The following TRPC4AP variants were observed in gnomAD, a reference collection of about 807,000 sequenced individuals.
TRPC4AP encodes transient receptor potential cation channel subfamily C member 4 associated protein.
A neutral mutation model predicts 99.0 loss-of-function variants in TRPC4AP; 45 were observed. The ratio of observed to expected loss-of-function variants is 0.45; its 90% CI spans 0.36 to 0.58. The LOEUF is 0.58. TRPC4AP is among the 20% of genes least tolerant of loss of function. TRPC4AP has a pLI of 0.00. For synonymous variants in TRPC4AP, 408 were observed against 385.8 expected (o/e 1.06, Z -0.67); for missense variants, 879 against 985.3 (o/e 0.89, Z 1.44).
chr20:35,088,634 ATAGATGTT>A, intron 1 of TRPC4AP, among the ~76,000 whole-genome samples: 1 of 152,250 alleles, frequency 6.6e-6, no homozygotes. Flanking sequence ...ACTTTATGGG[ATAGATGTT>A]ATCATCACCT....
At chr20:35,011,564 C>G (rs1246908036) in intron 11 of TRPC4AP, among the ~76,000 whole-genome samples, 1 of 152,082 alleles carries the variant, frequency 6.6e-6, no homozygotes, top group Non-Finnish European at 1.5e-5. Context: ...TACTTCTGTA[C>G]CATTGTGAAG....
chr20:35,074,068 T>C (rs1318341988), intron 2 of TRPC4AP, among the ~76,000 whole-genome samples: 1 of 152,228 alleles, frequency 6.6e-6, no homozygotes, highest in African/African-American at 2.4e-5. Context: ...CGTAGAGGTG[T>C]TTATAGTATT....
In TRPC4AP at chr20:35,082,369, A is replaced by G. The variant is rs576334118; in HGVS notation, c.169-4195T>C. Among the ~76,000 whole-genome samples, 23 of 152,350 alleles carry G rather than the reference A, an allele frequency of 1.5e-4. No homozygotes were observed. In the East Asian group the frequency reaches 4.2e-3, roughly 28 times the overall value. The stretch of plus-strand genomic sequence containing the variant: ...GACCAGCTGCTAGGCCATACTGCAA[A>G]TGTCAATACATTTAAATGAACTGAA... On this transcript the variant is annotated intron_variant, in intron 1 of 18. Transcript: ENST00000252015.
At chr20:35,038,507 A>G (rs2083374893) in intron 7 of TRPC4AP, among the ~76,000 whole-genome samples, 1 of 152,192 alleles carries the variant, frequency 6.6e-6, no homozygotes, top group Non-Finnish European at 1.5e-5. Flanking sequence ...TTCTATATAT[A>G]CTAGAGTGTA....
intron 9 of TRPC4AP, among the ~76,000 whole-genome samples, chr20:35,017,738 C>T (rs2082787553): frequency 6.6e-6 from 1 of 152,214 alleles, no homozygotes; most frequent in Non-Finnish European, 1.5e-5. Context: ...ACATCCCTGG[C>T]AGCCTCCATT....
At chr20:35,033,561 A>T (rs777978402) in intron 8 of TRPC4AP, among the ~76,000 whole-genome samples, 66 of 152,184 alleles carry the variant, frequency 4.3e-4, no homozygotes, top group Non-Finnish European at 3.8e-4. Flanking sequence ...TCCAAAGTCT[A>T]ATTCAATTAA....
At chr20:35,064,690 C>CAT (rs1337615683) in intron 3 of TRPC4AP, among the ~76,000 whole-genome samples, 1 of 152,188 alleles carries the variant, frequency 6.6e-6, no homozygotes. Context: ...CTGCCCTGAA[C>CAT]ATATGCCTGC....
At chr20:35,058,442 A>C (rs1298593437) in intron 3 of TRPC4AP, among the ~76,000 whole-genome samples, 1 of 152,224 alleles carries the variant, frequency 6.6e-6, no homozygotes, top group African/African-American at 2.4e-5. Flanking sequence ...AAAGCACTTA[A>C]ATCACATACA....
chr20:35,071,730 T>G (rs1015323148), intron 2 of TRPC4AP, among the ~76,000 whole-genome samples: 2 of 152,220 alleles, frequency 1.3e-5, no homozygotes, highest in Non-Finnish European at 2.9e-5. Context: ...TTGTGAATAG[T>G]GCTGCAATAA....
At position 35,092,619 on chromosome 20, in the gene TRPC4AP, C is replaced by A; in HGVS notation, c.163G>T (p.Val55Leu). ...CTCCTGGTCCAGCCTCGTACCTGCA[C>A]CGCCCGGACCAGGCCCCGGCCGGTC... ...QLTGRGLVRA[V>L]QFTETFLTER... Residue 55 changes from valine to leucine, a missense_variant, in exon 1 of 19, where the codon GTG becomes TTG. By Grantham distance (32) the Val-to-Leu change is conservative. Around this residue, in one of 3 missense-constraint regions of TRPC4AP, gnomAD observed 603 missense variants for 631.8 expected, o/e 0.95. Transcript: ENST00000252015. 1 of 1,510,564 alleles carries A rather than the reference C, an allele frequency of 6.6e-7. No homozygotes were observed. The highest frequency in any genetic ancestry group is 2.3e-4 in the Middle Eastern group (1 of 4,302). The allele number at this position is 1,510,564 out of a possible 1,614,324, so 93.6% of individuals were successfully genotyped here. A position where few individuals can be genotyped will look rare whatever the true frequency, so the allele number is the denominator to read the frequency against.
chr20:35,002,839 C>A lies in TRPC4AP; in HGVS notation c.*307G>T. 1 of 274,222 alleles carries A rather than the reference C, an allele frequency of 3.6e-6. No homozygotes were observed. The highest frequency in any genetic ancestry group is 6.9e-6 in the Non-Finnish European group (1 of 144,330). 17.0% of individuals were successfully genotyped at this position (274,222 alleles called of 1,614,324 possible). A position where few individuals can be genotyped will look rare whatever the true frequency, so the allele number is the denominator to read the frequency against. On this transcript the variant is annotated 3_prime_UTR_variant, in exon 19 of 19. Transcript: ENST00000252015. Reference sequence around the variant, plus strand: ...GACTGACTGACAGCCAAGAAACCGGCAGGAGCTCACACAGAGCTAATGCTA... The same window carrying A: ...GACTGACTGACAGCCAAGAAACCGGAAGGAGCTCACACAGAGCTAATGCTA...
chr20:35,011,422 T>G (rs368083356), intron 11 of TRPC4AP, among the ~76,000 whole-genome samples: 5 of 152,166 alleles, frequency 3.3e-5, no homozygotes, highest in African/African-American at 1.2e-4. Context: ...GTTGTCTACC[T>G]TGGTGATCGT....
chr20:35,059,749 G>A (rs903558305), intron 3 of TRPC4AP, among the ~76,000 whole-genome samples: 3 of 147,366 alleles, frequency 2.0e-5, no homozygotes, highest in African/African-American at 5.1e-5. Context: ...CGACGAAGAA[G>A]AAGAAGACGA....
At position 35,024,854 on chromosome 20, in the gene TRPC4AP, A is replaced by AAACAT. The variant is rs1479270980; in HGVS notation, c.1052-3499_1052-3498insATGTT. 3.3e-3 allele frequency among the ~76,000 whole-genome samples: 294 copies of AAACAT among 89,444 alleles called. 47 individuals are homozygous for AAACAT. Among genetic ancestry groups the AAACAT allele is most frequent in the African/African-American group, 0.011 (278 of 25,550 alleles). The allele number at this position is 89,444 out of a possible 152,430, so 58.7% of individuals were successfully genotyped here. On this transcript the variant is annotated intron_variant, in intron 8 of 18. Coordinates refer to ENST00000252015, the MANE Select transcript of TRPC4AP (RefSeq NM_015638.3). ...AAAAAAAAAAAAAAAAAAAAAAAAAAATTCTGTTTATTCATTAATCAGGTG... is the reference window on the plus strand; with the variant it reads ...AAAAAAAAAAAAAAAAAAAAAAAAAAAACATATTCTGTTTATTCATTAATCAGGTG...
intron 1 of TRPC4AP, among the ~76,000 whole-genome samples, chr20:35,080,013 T>TTA (rs766450067): frequency 5.3e-5 from 5 of 93,848 alleles, no homozygotes; most frequent in East Asian, 3.0e-4. Context: ...CAGAGCAAGA[T>TTA]AAAAAAAAAA....
intron 4 of TRPC4AP, among the ~76,000 whole-genome samples, chr20:35,055,901 G>A (rs1014251122): frequency 1.3e-5 from 2 of 152,254 alleles, no homozygotes; most frequent in Admixed American, 6.5e-5. Flanking sequence ...GCATAAAAAC[G>A]AAACTTAATT....
chr20:35,042,272 A>G (rs2083460922), intron 7 of TRPC4AP, among the ~76,000 whole-genome samples: 1 of 152,208 alleles, frequency 6.6e-6, no homozygotes, highest in African/African-American at 2.4e-5. Flanking sequence ...ACAAACTTCT[A>G]CCTTTACATA....
intron 12 of TRPC4AP, 75 bp from the exon 13 acceptor site, chr20:35,008,822 C>T: frequency 1.5e-6 from 2 of 1,373,126 alleles, no homozygotes; most frequent in Non-Finnish European, 2.0e-6. Context: ...ATTCTGCTGG[C>T]TTAGGCGGTG....
intron 4 of TRPC4AP, among the ~76,000 whole-genome samples, 181 bp downstream of exon 4, chr20:35,057,333 G>A (rs1025764403): frequency 1.3e-5 from 2 of 152,108 alleles, no homozygotes; most frequent in South Asian, 2.1e-4. Context: ...GAATTTCTAC[G>A]CAGTACAGAA....
Sources: gnomAD v4.1 joint callset for allele counts (sites outside exome capture counted in the v4.1 genomes callset) on GRCh38, gnomAD v4.1.1 for gene constraint, gnomAD v4.1.1 regional missense constraint, MANE v1.5 for transcripts, NCBI Gene and HGNC (gene_info 2026-07-23, HGNC 2026-07-21) for gene names.